Variants in EPS15 observed in about 807,000 individuals in gnomAD.
EPS15 encodes the protein epidermal growth factor receptor substrate 15.
Under a neutral mutation model 113.8 loss-of-function variants are expected in EPS15, and 72 were observed. The observed-to-expected ratio is 0.63, with a 90% confidence interval of 0.52 to 0.77. EPS15 has a LOEUF of 0.77. Among genes scored for constraint, EPS15 ranks in the 30% least tolerant of loss-of-function variants. EPS15 has a pLI of 0.00. For missense variants in EPS15, 1,048 were observed against 1,045.8 expected (o/e 1.00, Z -0.03); for synonymous variants, 344 against 363.4 (o/e 0.95, Z 0.61).
intron 20 of EPS15, 28 bp from the exon 21 acceptor site, chr1:51,394,475 G>GA: frequency 6.7e-7 from 1 of 1,493,542 alleles, no homozygotes; most frequent in Non-Finnish European, 9.2e-7. Context: ...AACCATGAAT[G>GA]AGAGAGGCAA....
intron 10 of EPS15, among the ~76,000 whole-genome samples, chr1:51,445,642 T>TA (rs1013753250): frequency 5.4e-4 from 76 of 141,284 alleles, no homozygotes; most frequent in South Asian, 1.4e-3. Flanking sequence ...TTTCTGTAAT[T>TA]AAAAAAAAAA....
chr1:51,455,721 G>T (rs1375512859), intron 8 of EPS15, among the ~76,000 whole-genome samples: 1 of 152,060 alleles, frequency 6.6e-6, no homozygotes, highest in Non-Finnish European at 1.5e-5. Flanking sequence ...TTACAATCTA[G>T]TCAGATAATT....
chr1:51,358,853 G>T lies in EPS15; in HGVS notation c.2545-2007C>A, dbSNP rs1646307914. ...TCCCTAGCTGGGATTACAGGCATGC[G>T]CCACCATGCCTGGCTAATTTTTGTA... On this transcript the variant is annotated intron_variant, in intron 24 of 24. Transcript: ENST00000371733. Among the ~76,000 whole-genome samples the T allele has an allele frequency of 2.6e-5, 4 of 151,786 alleles. No homozygotes were observed. In the South Asian group the frequency reaches 8.3e-4, roughly 32 times the overall value.
intron 20 of EPS15, among the ~76,000 whole-genome samples, chr1:51,398,206 A>G (rs571783381): frequency 6.6e-6 from 1 of 152,096 alleles, no homozygotes; most frequent in East Asian, 1.9e-4. Flanking sequence ...GGCACCCACC[A>G]CCGCGCCTGG....
At chr1:51,504,535 G>C (rs925804701) in intron 1 of EPS15, among the ~76,000 whole-genome samples, 1 of 151,962 alleles carries the variant, frequency 6.6e-6, no homozygotes, top group Non-Finnish European at 1.5e-5. Context: ...CTTCTATCTA[G>C]AATACATAAA....
At chr1:51,437,915 A>G (rs1652287952) in intron 12 of EPS15, among the ~76,000 whole-genome samples, 1 of 152,126 alleles carries the variant, frequency 6.6e-6, no homozygotes, top group South Asian at 2.1e-4. Context: ...CATACTCATC[A>G]CATCCTTATA....
chr1:51,440,667 T>C (rs1264416665), intron 11 of EPS15, among the ~76,000 whole-genome samples: 1 of 152,006 alleles, frequency 6.6e-6, no homozygotes, highest in Non-Finnish European at 1.5e-5. Flanking sequence ...TTCTATACTA[T>C]GTACCCCATC....
intron 20 of EPS15, among the ~76,000 whole-genome samples, chr1:51,397,571 T>C (rs899282537): frequency 1.3e-5 from 2 of 152,128 alleles, no homozygotes; most frequent in Admixed American, 1.3e-4. Flanking sequence ...ATTTGGCAAA[T>C]GGGTCCACAT....
Position 51,361,271 on chromosome 1 carries a change from G to A in EPS15, c.2444C>T (p.Pro815Leu). 1.2e-6 allele frequency: 2 copies of A among 1,613,694 alleles called. No homozygotes were observed. Among genetic ancestry groups the A allele is most frequent in the Non-Finnish European group, 1.7e-6 (2 of 1,179,678 alleles). Residue 815 changes from proline (P) to leucine (L), a missense_variant, in exon 24 of 25, where the codon CCC becomes CTC. By Grantham distance (98) the Pro-to-Leu change is moderately conservative (BLOSUM62 -3). Coordinates refer to ENST00000371733, the MANE Select transcript of EPS15 (RefSeq NM_001981.3). ...PFQPFPGNDS[P>L]KEKDPEIFCD... ...AAATATTTCAGGATCTTTTTCTTTG[G>A]GGCTATCGTTGCCTGGGAAAGGCTG...
At chr1:51,454,084 G>A (rs891955667) in intron 8 of EPS15, among the ~76,000 whole-genome samples, 8 of 148,672 alleles carry the variant, frequency 5.4e-5, no homozygotes, top group African/African-American at 1.7e-4. Context: ...GGAAAAGATC[G>A]TGCTCAGTTT....
intron 16 of EPS15, 26 bp from the exon 17 acceptor site, chr1:51,403,558 TAAC>T (rs1341805855): frequency 2.3e-6 from 3 of 1,312,356 alleles, no homozygotes; most frequent in Non-Finnish European, 3.2e-6. Context: ...GCAAGTAGAT[TAAC>T]AATATACTTT....
intron 1 of EPS15, among the ~76,000 whole-genome samples, chr1:51,490,514 G>A (rs1011725290): frequency 2.2e-4 from 31 of 141,662 alleles, no homozygotes; most frequent in African/African-American, 5.9e-4. Context: ...GCAGTGAGCC[G>A]AGATCATGCC....
At chr1:51,481,391 T>C (rs1644017951) in intron 1 of EPS15, 77 bp from the exon 2 acceptor site, 2 of 740,008 alleles carry the variant, frequency 2.7e-6, no homozygotes, top group Admixed American at 4.4e-5. Context: ...ATTCAACAGA[T>C]ATTTGAGAAA....
chr1:51,506,782 G>A (rs1644505934), intron 1 of EPS15, among the ~76,000 whole-genome samples: 1 of 144,856 alleles, frequency 6.9e-6, no homozygotes, highest in Admixed American at 6.9e-5. Flanking sequence ...ATAAAAGTGT[G>A]CCAGAAAAAA....
chr1:51,489,731 C>A (rs1359173341), intron 1 of EPS15, among the ~76,000 whole-genome samples: 1 of 152,052 alleles, frequency 6.6e-6, no homozygotes, highest in East Asian at 1.9e-4. Flanking sequence ...TGGGTTTGGC[C>A]ATATAACTTG....
intron 1 of EPS15, among the ~76,000 whole-genome samples, chr1:51,504,013 G>A (rs904425087): frequency 6.6e-6 from 1 of 152,222 alleles, no homozygotes; most frequent in African/African-American, 2.4e-5. Flanking sequence ...AGAAAACACA[G>A]GGATAAATCT....
rs542655235 is a variant in EPS15 at position 51,477,713 on chromosome 1, C to T, written c.75+3560G>A. 9.3e-4 allele frequency among the ~76,000 whole-genome samples: 142 copies of T among 152,122 alleles called. 1 individual carries two copies. The highest frequency in any genetic ancestry group is 1.5e-3 in the Non-Finnish European group (100 of 67,992). ...TTTCTGCCTTCATTTCATTATGTAC[C>T]CAGTAGTCATTCAGGAGCAGGTTGT... On this transcript the variant is annotated intron_variant, in intron 2 of 24. Transcript: ENST00000371733.
Position 51,405,962 on chromosome 1 carries a change from A to C in EPS15, c.1620T>G (p.Asn540Lys), listed in dbSNP as rs35717484. Reference protein sequence around the residue: ...STSSSETANLNEHVEGQSNLE... With the variant: ...STSSSETANLKEHVEGQSNLE... ...GGTTGCTCTGGCCTTCAACATGTTC[A>C]TTAAGGTTGGCTGTTTCACTGCTGC... Residue 540 changes from asparagine (N) to lysine (K), a missense_variant, in exon 16 of 25, where the codon AAT becomes AAG. Transcript: ENST00000371733. 739 of 1,614,148 alleles carry C rather than the reference A, an allele frequency of 4.6e-4. 3 individuals carry two copies. The African/African-American group carries it at 9.0e-3, about 20-fold the overall frequency.
chr1:51,365,169 C>G (rs189765554), intron 22 of EPS15, among the ~76,000 whole-genome samples: 10 of 152,286 alleles, frequency 6.6e-5, no homozygotes, highest in Non-Finnish European at 4.4e-5. Context: ...AAGACCCTTT[C>G]AAATATGTAA....
Sources: gnomAD v4.1 joint callset for allele counts (sites outside exome capture counted in the v4.1 genomes callset) on GRCh38, gnomAD v4.1.1 for gene constraint, MANE v1.5 for transcripts, NCBI Gene and HGNC (gene_info 2026-07-23, HGNC 2026-07-21) for gene names.